Variants in NPLOC4 observed in about 807,000 individuals in gnomAD.
NPLOC4 encodes the protein nuclear protein localization protein 4 homolog.
A neutral mutation model predicts 80.6 loss-of-function variants in NPLOC4; 18 were observed. The observed-to-expected ratio is 0.22, with a 90% CI of 0.15 to 0.33. The LOEUF (loss-of-function observed/expected upper bound fraction) is 0.33, where lower values mean the gene tolerates loss of function less well. NPLOC4 is among the 10% of genes least tolerant of loss of function. NPLOC4 has a pLI of 1.00. For synonymous variants in NPLOC4, 313 were observed against 301.5 expected, an observed-to-expected ratio of 1.04 and a Z score of -0.39; for missense variants, 540 against 786.1, an observed-to-expected ratio of 0.69 and a Z score of 3.74.
rs950784948 is a variant in NPLOC4, at chr17:81,610,845, G to A, written c.387-587C>T. ...CGGGCGCCTGTAGTCCCAGCTACTC[G>A]GGAGGCTGAGGCAGGAGAATGGCGT... On this transcript the variant is annotated intron_variant, in intron 4 of 16. Transcript: ENST00000331134. Among the ~76,000 whole-genome samples, 3 of 86,954 alleles carry A rather than the reference G, an allele frequency of 3.5e-5. 1 individual carries two copies. The highest frequency in any genetic ancestry group is 6.4e-4 in the South Asian group (2 of 3,146). 57.0% of individuals were successfully genotyped at this position (86,954 alleles called of 152,430 possible). A position where few individuals can be genotyped will look rare whatever the true frequency, so the allele number is the denominator to read the frequency against.
intron 11 of NPLOC4, among the ~76,000 whole-genome samples, chr17:81,595,388 T>C (rs1449292932): frequency 2.8e-5 from 4 of 145,438 alleles, no homozygotes; most frequent in African/African-American, 1.0e-4. Context: ...GAGCCGAGAT[T>C]GCGCCACTGC....
chr17:81,627,825 A>G (rs2035834077), intron 2 of NPLOC4, among the ~76,000 whole-genome samples: 1 of 152,104 alleles, frequency 6.6e-6, no homozygotes, highest in Non-Finnish European at 1.5e-5. Context: ...AATCCCAGCT[A>G]CTTGGGAGGC....
At chr17:81,631,001 C>T (rs889397571) in intron 1 of NPLOC4, among the ~76,000 whole-genome samples, 5 of 151,838 alleles carry the variant, frequency 3.3e-5, no homozygotes, top group African/African-American at 7.3e-5. Flanking sequence ...GGTGAAACCC[C>T]GTCTCTACTA....
intron 12 of NPLOC4, among the ~76,000 whole-genome samples, chr17:81,576,039 TAAC>T (rs2034289834): frequency 6.6e-6 from 1 of 152,166 alleles, no homozygotes; most frequent in Admixed American, 6.6e-5. Context: ...AGCAGTTTGG[TAAC>T]AACAAAGGAA....
At chr17:81,583,152 G>A (rs1209292399) in intron 12 of NPLOC4, among the ~76,000 whole-genome samples, 3 of 152,226 alleles carry the variant, frequency 2.0e-5, no homozygotes, top group South Asian at 2.1e-4. Flanking sequence ...TTCAGTGAGC[G>A]ACTTGGAAAT....
chr17:81,569,158 T>A, intron 13 of NPLOC4, 47 bp from the exon 14 acceptor site: 1 of 1,300,328 alleles, frequency 7.7e-7, no homozygotes, highest in Non-Finnish European at 1.1e-6. Context: ...CTGAAAATGG[T>A]GTGGCCGACT....
rs1310080808 is a variant in NPLOC4 at position 81,572,146 on chromosome 17, CT to C, written c.1282-59del. 3.2e-6 allele frequency: 3 copies of C among 942,892 alleles called. No homozygotes were observed. The African/African-American group carries it at 5.1e-5, about 16-fold the overall frequency. 58.4% of individuals were successfully genotyped at this position (942,892 alleles called of 1,614,324 possible). A position where few individuals can be genotyped will look rare whatever the true frequency, so the allele number is the denominator to read the frequency against. On this transcript the variant is annotated intron_variant, in intron 12 of 16. Coordinates refer to ENST00000331134, the MANE Select transcript of NPLOC4 (RefSeq NM_017921.4). The surrounding 1 kb of genome is among the most constrained non-coding windows in gnomAD (Gnocchi z 4.5). ...AAGACGATCAGTAGTAATGATTTTC[CT>C]TTCACATGCTTGTCTCACCTTTTAT...
At chr17:81,562,958 A>T (rs1002789608) in intron 16 of NPLOC4, 1 of 149,938 alleles carries the variant, frequency 6.7e-6, no homozygotes, top group Non-Finnish European at 1.5e-5. Context: ...GGAGGGGGGA[A>T]AAAAAAAAGG....
At chr17:81,571,143 G>A (rs1424669554) in intron 13 of NPLOC4, among the ~76,000 whole-genome samples, 2 of 152,122 alleles carry the variant, frequency 1.3e-5, no homozygotes, top group African/African-American at 4.8e-5. Context: ...GTGCATCGAT[G>A]GGCTTGGCTC....
intron 8 of NPLOC4, among the ~76,000 whole-genome samples, chr17:81,601,884 C>G (rs1391504000): frequency 2.0e-5 from 3 of 152,168 alleles, no homozygotes; most frequent in Non-Finnish European, 4.4e-5. Context: ...CCATGCATAG[C>G]CTGCAGTTTC....
chr17:81,576,409 T>C (rs2034302188), intron 12 of NPLOC4, among the ~76,000 whole-genome samples: 1 of 150,386 alleles, frequency 6.6e-6, no homozygotes, highest in Non-Finnish European at 1.5e-5. Context: ...AGGAAACTCA[T>C]GTATACGGAG....
At chr17:81,608,631 T>C in intron 6 of NPLOC4, 97 bp downstream of exon 6, 3 of 839,658 alleles carry the variant, frequency 3.6e-6, no homozygotes, top group Non-Finnish European at 6.0e-6. Flanking sequence ...CTTCTCATCT[T>C]TACTTCTCTC....
chr17:81,632,995 T>G (rs565916194), intron 1 of NPLOC4, among the ~76,000 whole-genome samples: 1 of 151,486 alleles, frequency 6.6e-6, no homozygotes, highest in African/African-American at 2.4e-5. Flanking sequence ...CCAGGCGTGG[T>G]GGAGGGCGCC....
intron 12 of NPLOC4, among the ~76,000 whole-genome samples, chr17:81,576,461 G>C (rs549822040): frequency 6.6e-6 from 1 of 152,174 alleles, no homozygotes; most frequent in Non-Finnish European, 1.5e-5. Flanking sequence ...ATCCACTTTG[G>C]GGCGTGAGTG....
At chr17:81,585,876 C>G (rs1269271818) in intron 12 of NPLOC4, among the ~76,000 whole-genome samples, 1 of 152,112 alleles carries the variant, frequency 6.6e-6, no homozygotes, top group African/African-American at 2.4e-5. Context: ...ATAGTCCCAG[C>G]TACGCGGGAG....
At chr17:81,607,907 C>T (rs1224964800) in intron 6 of NPLOC4, among the ~76,000 whole-genome samples, 4 of 152,210 alleles carry the variant, frequency 2.6e-5, no homozygotes, top group Non-Finnish European at 5.9e-5. Context: ...TTGCTGACTT[C>T]AGTTCAGCCA....
At position 81,580,945 on chromosome 17, in the gene NPLOC4, G is replaced by T. The variant is rs2034422519; in HGVS notation, c.1281+7999C>A. Reference sequence around the variant, plus strand: ...CATGCCCACAGCTGGGGGCCTGGGAGAGACATGGCATGGAAGTACAAAATC... The same window carrying T: ...CATGCCCACAGCTGGGGGCCTGGGATAGACATGGCATGGAAGTACAAAATC... On this transcript the variant is annotated intron_variant, in intron 12 of 16. Coordinates refer to ENST00000331134, the MANE Select transcript of NPLOC4 (RefSeq NM_017921.4). The surrounding 1 kb of genome is among the most constrained non-coding windows in gnomAD (Gnocchi z 4.4). Among the ~76,000 whole-genome samples, 1 of 152,194 alleles carries T rather than the reference G, an allele frequency of 6.6e-6. No individual in the cohort carries two copies. Among genetic ancestry groups the T allele is most frequent in the African/African-American group, 2.4e-5 (1 of 41,450 alleles).
At position 81,608,079 on chromosome 17, in the gene NPLOC4, T is replaced by G. The variant is rs182605661; in HGVS notation, c.530+649A>C. Among the ~76,000 whole-genome samples the G allele has an allele frequency of 4.1e-3, 622 of 152,330 alleles. 6 individuals carry two copies. The highest frequency in any genetic ancestry group is 6.4e-3 in the Non-Finnish European group (437 of 68,022). ...TCAGTTCACCCCTTTCTGGCCACTG[T>G]TACCACCTCTGCCCACCTGGCTGAG... On this transcript the variant is annotated intron_variant, in intron 6 of 16. Coordinates refer to ENST00000331134, the MANE Select transcript of NPLOC4 (RefSeq NM_017921.4).
At chr17:81,569,195 A>C in intron 13 of NPLOC4, 84 bp from the exon 14 acceptor site, 1 of 848,350 alleles carries the variant, frequency 1.2e-6, no homozygotes. Flanking sequence ...CATCTCCCAG[A>C]GCCCAAATTA....
Sources: gnomAD v4.1 joint callset for allele counts (sites outside exome capture counted in the v4.1 genomes callset) on GRCh38, gnomAD v4.1.1 for gene constraint, Gnocchi (gnomAD v3.1) non-coding constraint, MANE v1.5 for transcripts, NCBI Gene and HGNC (gene_info 2026-07-23, HGNC 2026-07-21) for gene names.